QKI: variants seen among roughly 807,000 people sequenced by gnomAD.
QKI encodes the protein QKI, KH domain containing RNA binding.
Under a neutral mutation model 39.0 loss-of-function variants are expected in QKI, and 10 were observed. The observed-to-expected ratio is 0.26, with a 90% CI of 0.16 to 0.43. The LOEUF (loss-of-function observed/expected upper bound fraction) is 0.43. Among genes scored for constraint, QKI ranks in the 20% least tolerant of loss-of-function variants. The pLI is 1.00. For synonymous variants in QKI, 204 were observed against 155.4 expected (o/e 1.31, Z -2.33); for missense variants, 218 against 428.0 (o/e 0.51, Z 4.33).
chr6:163,575,096 T>C lies in QKI; in HGVS notation c.*4386T>C, dbSNP rs906412201. The C allele has an allele frequency of 1.3e-5, 2 of 152,182 alleles. No individual in the cohort carries two copies. The highest frequency in any genetic ancestry group is 4.8e-5 in the African/African-American group (2 of 41,440). The allele number at this position is 152,182 out of a possible 1,614,324, so 9.4% of individuals were successfully genotyped here. A position where few individuals can be genotyped will look rare whatever the true frequency, so the allele number is the denominator to read the frequency against. ...GAGCGGTGGGTAGTGTACTGTTAGG[T>C]GGACAGGTCTTTTAACATGCTACTA... is the stretch of plus-strand genomic sequence containing the variant. On this transcript the variant is annotated 3_prime_UTR_variant, in exon 8 of 8. Transcript: ENST00000361752.
chr6:163,516,710 A>G (rs114655186), intron 3 of QKI, among the ~76,000 whole-genome samples: 1,853 of 152,176 alleles, frequency 0.012, 35 homozygotes, highest in African/African-American at 0.042. Context: ...TATTTTCCAT[A>G]TTTATTGGAT....
intron 4 of QKI, among the ~76,000 whole-genome samples, chr6:163,549,443 G>T (rs1339043133): frequency 6.6e-6 from 1 of 152,186 alleles, no homozygotes; most frequent in Non-Finnish European, 1.5e-5. Context: ...GGGCATGGTG[G>T]CTCATGCCTG....
chr6:163,568,795 T>C (rs1201903054), intron 7 of QKI: 2 of 985,060 alleles, frequency 2.0e-6, no homozygotes, highest in Admixed American at 1.2e-4. Flanking sequence ...AACTCACCTC[T>C]TTATATATAT....
chr6:163,421,606 A>G (rs772826805), intron 1 of QKI, among the ~76,000 whole-genome samples: 1 of 152,210 alleles, frequency 6.6e-6, no homozygotes, highest in East Asian at 1.9e-4. Context: ...GAGTATAATC[A>G]TATGTGGCTG....
In QKI at chr6:163,422,966, G is replaced by A. The variant is rs1788104959; in HGVS notation, c.142+7631G>A. Among the ~76,000 whole-genome samples the A allele has an allele frequency of 2.6e-5, 4 of 152,320 alleles. No homozygotes were observed. In the South Asian group the frequency reaches 8.3e-4, roughly 32 times the overall value. On this transcript the variant is annotated intron_variant, in intron 1 of 7. Transcript: ENST00000361752. ...ATAATACATTTTAAGAGTAGAATTA[G>A]GGAAATGCATAGTAAGAAAACAAAC...
chr6:163,561,772 A>G (rs1783030564), intron 4 of QKI, among the ~76,000 whole-genome samples: 2 of 152,332 alleles, frequency 1.3e-5, no homozygotes, highest in East Asian at 1.9e-4. Flanking sequence ...TACAAATACA[A>G]TATGCTGTAT....
chr6:163,546,221 C>T (rs1781864231), intron 4 of QKI, among the ~76,000 whole-genome samples: 1 of 151,566 alleles, frequency 6.6e-6, no homozygotes. Context: ...AGTGATTTCT[C>T]AGTGTATTTT....
At chr6:163,460,923 T>C (rs1331253472) in intron 2 of QKI, among the ~76,000 whole-genome samples, 4 of 152,204 alleles carry the variant, frequency 2.6e-5, no homozygotes, top group African/African-American at 9.6e-5. Context: ...TACACATCTG[T>C]CTTTGATAGT....
chr6:163,458,910 C>G (rs60210494), intron 2 of QKI, among the ~76,000 whole-genome samples: 1,832 of 152,274 alleles, frequency 0.012, 32 homozygotes, highest in African/African-American at 0.042. Context: ...CAATAGGTTT[C>G]TTAGTCAGGC....
In QKI at chr6:163,527,249, TA is replaced by T. The variant is rs541705033; in HGVS notation, c.403-7730del. Among the ~76,000 whole-genome samples, 262 of 152,334 alleles carry T rather than the reference TA, an allele frequency of 1.7e-3. 1 individual carries two copies. Among genetic ancestry groups the T allele is most frequent in the African/African-American group, 6.0e-3 (250 of 41,590 alleles). On this transcript the variant is annotated intron_variant, in intron 3 of 7. Coordinates refer to ENST00000361752, the MANE Select transcript of QKI (RefSeq NM_006775.3). ...TTTTATAACTGAGTCAGTGAGGAAT[TA>T]AATTGTGTGAAATCTACTTTATGCC...
At chr6:163,494,882 TAAAG>T (rs1328005875) in intron 3 of QKI, among the ~76,000 whole-genome samples, 1 of 151,872 alleles carries the variant, frequency 6.6e-6, no homozygotes, top group Non-Finnish European at 1.5e-5. Context: ...TGTTGAATGT[TAAAG>T]AATCATAAGG....
intron 3 of QKI, among the ~76,000 whole-genome samples, chr6:163,529,356 C>T (rs879809824): frequency 2.0e-5 from 3 of 152,080 alleles, no homozygotes; most frequent in Non-Finnish European, 2.9e-5. Flanking sequence ...CATAAAAGTT[C>T]AATTATTCAA....
At chr6:163,469,917 C>A (rs1013064542) in intron 2 of QKI, among the ~76,000 whole-genome samples, 4 of 152,066 alleles carry the variant, frequency 2.6e-5, no homozygotes, top group Non-Finnish European at 5.9e-5. Context: ...CAATTCTAGA[C>A]CTCTTTAGAT....
chr6:163,558,206 T>G (rs1021059283), intron 4 of QKI, among the ~76,000 whole-genome samples: 11 of 152,160 alleles, frequency 7.2e-5, no homozygotes, highest in Admixed American at 6.5e-4. Context: ...CTAGAGCCTC[T>G]AGACTGTAGA....
intron 3 of QKI, among the ~76,000 whole-genome samples, chr6:163,481,233 A>G (rs73784415): frequency 0.03 from 4,189 of 141,184 alleles, 185 homozygotes; most frequent in African/African-American, 0.13. Context: ...ATATATAGAC[A>G]TGTGTGTATA....
chr6:163,503,452 A>G (rs1456170117), intron 3 of QKI, among the ~76,000 whole-genome samples: 2 of 151,848 alleles, frequency 1.3e-5, no homozygotes, highest in African/African-American at 2.4e-5. Flanking sequence ...AGTTCCTTAT[A>G]GATTCCAGAT....
intron 1 of QKI, among the ~76,000 whole-genome samples, chr6:163,447,623 A>C (rs548684240): frequency 6.6e-6 from 1 of 152,258 alleles, no homozygotes; most frequent in South Asian, 2.1e-4. Flanking sequence ...TTAATTCTTT[A>C]ATCACTGAGC....
At chr6:163,415,956 A>G in intron 1 of QKI, 1 of 504,134 alleles carries the variant, frequency 2.0e-6, no homozygotes. Context: ...ATGCTGGCGT[A>G]GCCGACAAGG....
At chr6:163,553,066 ATTT>A (rs1782356051) in intron 4 of QKI, among the ~76,000 whole-genome samples, 4 of 2,166 alleles carry the variant, frequency 1.8e-3, no homozygotes, top group Non-Finnish European at 2.8e-3. Context: ...TTTAATTTTT[ATTT>A]ATTTATTTAT....
Sources: gnomAD v4.1 joint callset for allele counts (sites outside exome capture counted in the v4.1 genomes callset) on GRCh38, gnomAD v4.1.1 for gene constraint, MANE v1.5 for transcripts, NCBI Gene and HGNC (gene_info 2026-07-23, HGNC 2026-07-21) for gene names.